The following NTM variants were observed in gnomAD, a reference collection of about 807,000 sequenced individuals.
NTM encodes neurotrimin.
NTM carries 13 observed loss-of-function variants against 42.1 expected under a neutral mutation model. The observed-to-expected ratio is 0.31, with a 90% confidence interval of 0.20 to 0.49. The LOEUF is 0.49. Among genes scored for constraint, NTM ranks in the 20% least tolerant of loss-of-function variants. NTM has a pLI of 0.99. For synonymous variants in NTM, 187 were observed against 179.2 expected, an observed-to-expected ratio of 1.04 and a Z score of -0.35; for missense variants, 373 against 452.8, an observed-to-expected ratio of 0.82 and a Z score of 1.60.
At chr11:132,124,453 C>A (rs1435556652) in intron 2 of NTM, among the ~76,000 whole-genome samples, 4 of 152,220 alleles carry the variant, frequency 2.6e-5, no homozygotes, top group Non-Finnish European at 5.9e-5. Context: ...ACTTAAAATG[C>A]CCTTCACGAA....
At chr11:131,805,912 A>G (rs1025968632) in intron 1 of NTM, among the ~76,000 whole-genome samples, 1 of 152,210 alleles carries the variant, frequency 6.6e-6, no homozygotes, top group Non-Finnish European at 1.5e-5. Context: ...ACAAAATTAA[A>G]CATGATGTTT....
At chr11:132,101,001 A>C (rs375174620) in intron 2 of NTM, among the ~76,000 whole-genome samples, 2 of 152,192 alleles carry the variant, frequency 1.3e-5, no homozygotes, top group Admixed American at 6.5e-5. Context: ...TTTGTATCTG[A>C]GTGTTTCAAT....
chr11:131,473,161 C>T (rs57131485), intron 1 of NTM, among the ~76,000 whole-genome samples: 1,582 of 152,198 alleles, frequency 0.01, 39 homozygotes, highest in African/African-American at 0.035. Flanking sequence ...CCCACCAGGC[C>T]CTTGAACAGT....
chr11:132,020,535 A>G (rs1404553963), intron 2 of NTM, among the ~76,000 whole-genome samples: 1 of 152,114 alleles, frequency 6.6e-6, no homozygotes, highest in Non-Finnish European at 1.5e-5. Flanking sequence ...TCTAATGAGT[A>G]TGCTACACAT....
intron 1 of NTM, among the ~76,000 whole-genome samples, chr11:131,529,376 C>T (rs1328715217): frequency 1.3e-5 from 2 of 152,184 alleles, no homozygotes; most frequent in South Asian, 2.1e-4. Flanking sequence ...CATGCTTGCA[C>T]GTGCACACAC....
chr11:132,002,862 G>A lies in NTM; in HGVS notation c.167+91214G>A, dbSNP rs888569760. Among the ~76,000 whole-genome samples the A allele has an allele frequency of 6.7e-6, 1 of 148,756 alleles. No homozygotes were observed. The highest frequency in any genetic ancestry group is 2.6e-5 in the African/African-American group (1 of 38,200). ...CATTTAAAGTCCTAGAACAAAGCCT[G>A]CACATAGCAAGCTCTTAGCCAATGT... On this transcript the variant is annotated intron_variant, in intron 2 of 8. Coordinates refer to ENST00000683400, the MANE Select transcript of NTM (RefSeq NM_001352005.2). This position sits in a 1 kb window ranked among gnomAD's most constrained non-coding sequence, Gnocchi z 4.5.
intron 4 of NTM, among the ~76,000 whole-genome samples, chr11:132,251,428 C>T (rs1342204375): frequency 6.6e-6 from 1 of 152,144 alleles, no homozygotes; most frequent in South Asian, 2.1e-4. Flanking sequence ...TCATCCAGTT[C>T]CTTTGGTAGT....
chr11:131,647,351 C>T (rs1181280726), intron 1 of NTM, among the ~76,000 whole-genome samples: 1 of 152,180 alleles, frequency 6.6e-6, no homozygotes, highest in African/African-American at 2.4e-5. Flanking sequence ...TAAAGAGTGC[C>T]AGGCATGGAA....
chr11:131,480,677 C>T (rs920857840), intron 1 of NTM, among the ~76,000 whole-genome samples: 2 of 151,916 alleles, frequency 1.3e-5, no homozygotes, highest in Admixed American at 1.3e-4. Context: ...AACAGAAAAC[C>T]TGGGGAAAAA....
intron 2 of NTM, among the ~76,000 whole-genome samples, chr11:131,996,246 TC>T (rs2067993022): frequency 6.6e-6 from 1 of 151,686 alleles, no homozygotes; most frequent in African/African-American, 2.4e-5. Flanking sequence ...ATTGGATGAG[TC>T]CAAAAGTTAA....
intron 1 of NTM, among the ~76,000 whole-genome samples, chr11:131,524,021 T>C (rs1456395003): frequency 6.6e-6 from 1 of 152,142 alleles, no homozygotes; most frequent in Non-Finnish European, 1.5e-5. Context: ...TCGGGTAGTG[T>C]GCCTTTGGTC....
chr11:132,241,492 A>G (rs974242700), intron 4 of NTM, among the ~76,000 whole-genome samples: 8 of 152,312 alleles, frequency 5.3e-5, no homozygotes, highest in African/African-American at 1.4e-4. Context: ...TAGTTACATG[A>G]GCCAAATCAA....
intron 1 of NTM, among the ~76,000 whole-genome samples, chr11:131,759,516 CT>C (rs903759140): frequency 2.3e-4 from 35 of 152,026 alleles, no homozygotes; most frequent in Non-Finnish European, 2.5e-4. Flanking sequence ...TCTCTTCCTC[CT>C]TTTTTTTCAA....
At chr11:131,481,016 A>C (rs1432395089) in intron 1 of NTM, among the ~76,000 whole-genome samples, 1 of 152,162 alleles carries the variant, frequency 6.6e-6, no homozygotes, top group Non-Finnish European at 1.5e-5. Context: ...GGAGGGTGGT[A>C]GAAGTGTATT....
At chr11:131,889,547 T>G (rs1048161930) in intron 1 of NTM, among the ~76,000 whole-genome samples, 4 of 152,162 alleles carry the variant, frequency 2.6e-5, no homozygotes, top group Non-Finnish European at 1.5e-5. Context: ...AAAAAATACA[T>G]TAGAAGGTCC....
chr11:131,669,333 T>C (rs928677946), intron 1 of NTM, among the ~76,000 whole-genome samples: 6 of 152,196 alleles, frequency 3.9e-5, no homozygotes, highest in African/African-American at 1.4e-4. Flanking sequence ...CTCGCCATGA[T>C]TGGAAAAGTC....
At chr11:132,008,660 C>T (rs954220038) in intron 2 of NTM, among the ~76,000 whole-genome samples, 9 of 151,894 alleles carry the variant, frequency 5.9e-5, no homozygotes, top group African/African-American at 1.9e-4. Context: ...TCCCCATTTC[C>T]CCCTGAAAAC....
At chr11:131,633,107 A>T (rs1227568510) in intron 1 of NTM, among the ~76,000 whole-genome samples, 1 of 152,184 alleles carries the variant, frequency 6.6e-6, no homozygotes, top group Non-Finnish European at 1.5e-5. Flanking sequence ...GGGACACATC[A>T]GCTGAGCCTG....
At chr11:131,787,166 G>T (rs1008962608) in intron 1 of NTM, among the ~76,000 whole-genome samples, 10 of 151,732 alleles carry the variant, frequency 6.6e-5, no homozygotes, top group Non-Finnish European at 1.3e-4. Context: ...GTAACCTTTT[G>T]ATTCTGTTAC....
Sources: allele counts gnomAD v4.1 joint callset (sites outside exome capture counted in the v4.1 genomes callset), GRCh38; gene constraint gnomAD v4.1.1; non-coding constraint Gnocchi (gnomAD v3.1); transcripts MANE v1.5; gene names NCBI Gene and HGNC (gene_info 2026-07-23, HGNC 2026-07-21).